E2F3: variants seen among roughly 807,000 people sequenced by gnomAD.
The protein encoded by E2F3 is transcription factor E2F3.
In E2F3, 11 loss-of-function variants were observed where a neutral mutation model predicts 44.4. That is an observed-to-expected ratio of 0.25 (90% CI 0.16 to 0.41). The LOEUF is 0.41. E2F3 is among the 10% of genes least tolerant of loss of function. E2F3 has a pLI of 1.00. For synonymous variants in E2F3, 249 were observed against 253.0 expected (o/e 0.98, Z 0.15); for missense variants, 487 against 583.6 (o/e 0.83, Z 1.70).
At chr6:20,439,588 G>A (rs1419587031) in intron 1 of E2F3, among the ~76,000 whole-genome samples, 1 of 152,124 alleles carries the variant, frequency 6.6e-6, no homozygotes, top group African/African-American at 2.4e-5. Flanking sequence ...CTTGCATACA[G>A]TGGCGTGATC....
At chr6:20,426,329 A>G (rs957048782) in intron 1 of E2F3, among the ~76,000 whole-genome samples, 5 of 152,160 alleles carry the variant, frequency 3.3e-5, no homozygotes, top group African/African-American at 1.2e-4. Context: ...TTTGTCATTC[A>G]TTTATTGTTT....
intron 1 of E2F3, among the ~76,000 whole-genome samples, chr6:20,423,048 T>A (rs1760079682): frequency 6.6e-6 from 1 of 152,232 alleles, no homozygotes; most frequent in Non-Finnish European, 1.5e-5. Context: ...GGTATCCCTG[T>A]ATTGTTTTGC....
At chr6:20,442,693 G>A (rs138097615) in intron 1 of E2F3, among the ~76,000 whole-genome samples, 1 of 152,308 alleles carries the variant, frequency 6.6e-6, no homozygotes, top group East Asian at 1.9e-4. Context: ...CTCAGGCCGG[G>A]TGAGGTGGCT....
At position 20,481,671 on chromosome 6, in the gene E2F3, C is replaced by T. The variant is rs185972044; in HGVS notation, c.725+246C>T. 5.6e-3 allele frequency among the ~76,000 whole-genome samples: 855 copies of T among 152,270 alleles called. 11 individuals carry two copies. The highest frequency in any genetic ancestry group is 0.018 in the African/African-American group (766 of 41,548). On this transcript the variant is annotated intron_variant, in intron 3 of 6. Transcript: ENST00000346618. Reference sequence around the variant, plus strand: ...TTTATATTTGATGAGCATCCAGCAACGGCATCCTTAAAGAGGTCCCTGCAG... The same window carrying T: ...TTTATATTTGATGAGCATCCAGCAATGGCATCCTTAAAGAGGTCCCTGCAG...
chr6:20,461,287 A>T (rs1294310073), intron 1 of E2F3, among the ~76,000 whole-genome samples: 1 of 151,992 alleles, frequency 6.6e-6, no homozygotes, highest in Admixed American at 6.6e-5. Flanking sequence ...AGGTCAGGAG[A>T]TCGAGACCAT....
chr6:20,445,238 A>G (rs1231027416), intron 1 of E2F3: 4 of 765,602 alleles, frequency 5.2e-6, no homozygotes, highest in Non-Finnish European at 6.3e-6. Flanking sequence ...GAATGTGTAT[A>G]TTTTCTCCCT....
intron 5 of E2F3, among the ~76,000 whole-genome samples, chr6:20,487,762 T>C (rs988426396): frequency 2.6e-5 from 4 of 152,182 alleles, no homozygotes; most frequent in Non-Finnish European, 2.9e-5. Flanking sequence ...AGATAGTAAA[T>C]ATTTTTGGCT....
Position 20,482,878 on chromosome 6 carries a change from C to T in E2F3, c.842C>T (p.Thr281Ile), listed in dbSNP as rs749191961. 6.2e-7 allele frequency: 1 copy of T among 1,613,868 alleles called. No individual in the cohort carries two copies. The highest frequency in any genetic ancestry group is 1.1e-5 in the South Asian group (1 of 91,078). Residue 281 changes from threonine to isoleucine, a missense_variant, in exon 4 of 7, where the codon ACC becomes ATC. Physicochemically the swap from Thr to Ile is moderately conservative, Grantham distance 89. This residue lies in a region of E2F3 where 220 missense variants were observed against 261.7 expected (regional missense o/e 0.84). Transcript: ENST00000346618. ...KKLDELIQSC[T>I]LDLKLLTEDS... The stretch of plus-strand genomic sequence containing the variant: ...TTAGATGAACTGATCCAAAGCTGCA[C>T]CCTGGACCTCAAACTGTTAACCGAG...
chr6:20,472,174 A>G (rs533252531), intron 1 of E2F3, among the ~76,000 whole-genome samples: 11 of 151,940 alleles, frequency 7.2e-5, no homozygotes, highest in South Asian at 4.2e-4. Context: ...AAATAAGTCA[A>G]TTTGACTGAG....
In E2F3 at chr6:20,427,916, A is replaced by T. The variant is rs891016385; in HGVS notation, c.393+25291A>T. On this transcript the variant is annotated intron_variant, in intron 1 of 6. Coordinates refer to ENST00000346618, the MANE Select transcript of E2F3 (RefSeq NM_001949.5). ...GGGTTTGGTTCTTCTGGCCTTTGAG[A>T]TGGGTGCTGCCCAGCACAGCAGGCC... Among the ~76,000 whole-genome samples, 17 of 152,290 alleles carry T rather than the reference A, an allele frequency of 1.1e-4. 1 individual carries two copies. The highest frequency in any genetic ancestry group is 3.1e-4 in the African/African-American group (13 of 41,562).
intron 2 of E2F3, among the ~76,000 whole-genome samples, chr6:20,480,881 A>C (rs1762201541): frequency 1.3e-5 from 2 of 152,164 alleles, no homozygotes; most frequent in African/African-American, 4.8e-5. Context: ...TCTTTCATTC[A>C]TTTGACAGAT....
intron 1 of E2F3, among the ~76,000 whole-genome samples, chr6:20,414,430 A>G (rs1759775901): frequency 6.6e-6 from 1 of 152,148 alleles, no homozygotes; most frequent in South Asian, 2.1e-4. Flanking sequence ...GAACCAAGAT[A>G]GCTCTTTTTG....
intron 1 of E2F3, among the ~76,000 whole-genome samples, chr6:20,441,997 C>CTT (rs112011567): frequency 0.024 from 3,499 of 144,312 alleles, 141 homozygotes; most frequent in African/African-American, 0.082. Context: ...GTCACCCAAC[C>CTT]TTTTTTTTTT....
chr6:20,479,893 A>G lies in E2F3; in HGVS notation c.441A>G (p.Ser147=). The G allele has an allele frequency of 3.7e-6, 6 of 1,613,092 alleles. No individual in the cohort carries two copies. The highest frequency in any genetic ancestry group is 1.1e-5 in the South Asian group (1 of 90,796). Residue 147 remains serine, a synonymous_variant, in exon 2 of 7, where the codon TCA becomes TCG. Transcript: ENST00000346618. Reference sequence around the variant, plus strand: ...GAGAAAGCGGTCATCAGTACCTCTCAGATGGTTTAAAAACCCCCAAGGGCA... The same window carrying G: ...GAGAAAGCGGTCATCAGTACCTCTCGGATGGTTTAAAAACCCCCAAGGGCA... The part of the protein sequence containing the change: ...ELGESGHQYL[S]DGLKTPKGKG...
Position 20,482,765 on chromosome 6 carries a change from C to A in E2F3, c.729C>A (p.Gly243=). Residue 243 remains glycine, a synonymous_variant, in exon 4 of 7, where the codon GGC becomes GGA. Transcript: ENST00000346618. ...KKSKNNVQWM[G]CSLSEDGGML... ...GAGTCTGTGTTTGGGTTTCTAGGGG[C>A]TGCAGTCTGTCTGAGGATGGGGGCA... 6.2e-7 allele frequency: 1 copy of A among 1,603,426 alleles called. No homozygotes were observed.
Position 20,479,957 on chromosome 6 carries a change from A to G in E2F3, c.505A>G (p.Thr169Ala), listed in dbSNP as rs1418180660. The G allele has an allele frequency of 2.5e-6, 4 of 1,604,426 alleles. No individual in the cohort carries two copies. In the African/African-American group the frequency reaches 4.0e-5, roughly 16 times the overall value. Residue 169 changes from threonine to alanine, a missense_variant and splice_region_variant, in exon 2 of 7, where the codon ACT becomes GCT. Thr to Ala is a moderately conservative substitution (Grantham distance 58). Transcript: ENST00000346618. Reference sequence around the variant, plus strand: ...ACTACGAAGTCCAGATAGTCCAAAAAGTAAGGATCTTTTCATCTCTTTCCT... The same window carrying G: ...ACTACGAAGTCCAGATAGTCCAAAAGGTAAGGATCTTTTCATCTCTTTCCT... ...AALRSPDSPK[T>A]PKSPSEKTRY...
In E2F3 at chr6:20,402,728, C is replaced by T. The variant is rs773195816; in HGVS notation, c.393+103C>T. The stretch of plus-strand genomic sequence containing the variant: ...GGGCCGCTCGGGGAGAGCACTGGGC[C>T]GAGCATCGTGGGCCTCGGGGGCTGC... On this transcript the variant is annotated intron_variant, in intron 1 of 6. Coordinates refer to ENST00000346618, the MANE Select transcript of E2F3 (RefSeq NM_001949.5). The surrounding 1 kb of genome is among the most constrained non-coding windows in gnomAD (Gnocchi z 5.6). 12 of 1,254,282 alleles carry T rather than the reference C, an allele frequency of 9.6e-6. No homozygotes were observed. Among genetic ancestry groups the T allele is most frequent in the Non-Finnish European group, 1.2e-5 (12 of 1,001,600 alleles). The allele number at this position is 1,254,282 out of a possible 1,614,324, so 77.7% of individuals were successfully genotyped here.
At chr6:20,421,286 G>A (rs1223714333) in intron 1 of E2F3, among the ~76,000 whole-genome samples, 1 of 152,146 alleles carries the variant, frequency 6.6e-6, no homozygotes, top group Non-Finnish European at 1.5e-5. Context: ...GTTGATATTG[G>A]CATCTAGAAT....
intron 1 of E2F3, among the ~76,000 whole-genome samples, chr6:20,414,911 C>T (rs912656118): frequency 1.3e-5 from 2 of 152,162 alleles, no homozygotes; most frequent in African/African-American, 4.8e-5. Context: ...TAAATTACAT[C>T]CATGAGCTGT....
Sources: gnomAD v4.1 joint callset for allele counts (sites outside exome capture counted in the v4.1 genomes callset) on GRCh38, gnomAD v4.1.1 for gene constraint, gnomAD v4.1.1 regional missense constraint, Gnocchi (gnomAD v3.1) non-coding constraint, MANE v1.5 for transcripts, NCBI Gene and HGNC (gene_info 2026-07-23, HGNC 2026-07-21) for gene names.